The following GRIN2B variants were observed in gnomAD, a reference collection of about 807,000 sequenced individuals.
GRIN2B encodes the protein glutamate ionotropic receptor NMDA type subunit 2B.
In GRIN2B, 5 loss-of-function variants were observed where a neutral mutation model predicts 114.5. The ratio of observed to expected loss-of-function variants is 0.04; its 90% confidence interval spans 0.02 to 0.09. The LOEUF (loss-of-function observed/expected upper bound fraction) is 0.09, where lower values mean the gene tolerates loss of function less well. GRIN2B is among the 10% of genes least tolerant of loss of function. GRIN2B has a pLI of 1.00. For synonymous variants in GRIN2B, 787 were observed against 745.1 expected (o/e 1.06, Z -0.92); for missense variants, 1,108 against 1,943.5 (o/e 0.57, Z 8.08).
chr12:13,605,647 T>A (rs977833775), intron 10 of GRIN2B, among the ~76,000 whole-genome samples: 4 of 151,286 alleles, frequency 2.6e-5, no homozygotes, highest in African/African-American at 7.3e-5. Flanking sequence ...GAACACGGTA[T>A]GGAGGACAGA....
chr12:13,727,583 T>C (rs1030788481), intron 4 of GRIN2B, among the ~76,000 whole-genome samples: 1 of 152,200 alleles, frequency 6.6e-6, no homozygotes, highest in Non-Finnish European at 1.5e-5. Flanking sequence ...CTGCAAATTG[T>C]AAGAAATATA....
At chr12:13,746,115 G>C (rs1863378569) in intron 4 of GRIN2B, among the ~76,000 whole-genome samples, 1 of 152,104 alleles carries the variant, frequency 6.6e-6, no homozygotes, top group Non-Finnish European at 1.5e-5. Context: ...GAGAGTGCTT[G>C]GGAGGGTGGG....
intron 4 of GRIN2B, among the ~76,000 whole-genome samples, chr12:13,727,033 A>G (rs1863002213): frequency 6.6e-6 from 1 of 152,182 alleles, no homozygotes. Context: ...ACAAGATTAA[A>G]TAACTAGTAA....
chr12:13,915,164 C>G (rs77113082), intron 2 of GRIN2B, among the ~76,000 whole-genome samples: 2 of 152,224 alleles, frequency 1.3e-5, no homozygotes, highest in East Asian at 3.9e-4. Context: ...ATCACATATA[C>G]CCCCAAAATA....
Position 13,945,325 on chromosome 12 carries a change from G to A in GRIN2B, c.-19+34603C>T, listed in dbSNP as rs544401589. ...GCAGGGTGGTAAGCATTTTTATGAG[G>A]TGTTACAATGTTTTAACTAACCTAC... On this transcript the variant is annotated intron_variant, in intron 2 of 13. Coordinates refer to ENST00000609686, the MANE Select transcript of GRIN2B (RefSeq NM_000834.5). Among the ~76,000 whole-genome samples the A allele has an allele frequency of 7.2e-5, 11 of 152,200 alleles. No individual in the cohort carries two copies. In the South Asian group the frequency reaches 1.7e-3, roughly 23 times the overall value.
At chr12:13,617,189 G>A (rs887405468) in intron 5 of GRIN2B, among the ~76,000 whole-genome samples, 5 of 152,240 alleles carry the variant, frequency 3.3e-5, no homozygotes, top group African/African-American at 1.2e-4. Flanking sequence ...ATCCAGTGGG[G>A]AGAGCTAGGT....
chr12:13,964,019 T>C (rs2136864958), intron 2 of GRIN2B, among the ~76,000 whole-genome samples: 1 of 152,320 alleles, frequency 6.6e-6, no homozygotes, highest in Middle Eastern at 3.4e-3. Flanking sequence ...TGATGGAGAC[T>C]TAATCTCTGG....
chr12:13,783,438 T>TTTTGTTTTGTTTTGTTTTGTTTTG (rs1555139067), intron 3 of GRIN2B, among the ~76,000 whole-genome samples: 1 of 152,060 alleles, frequency 6.6e-6, no homozygotes. Context: ...ATAGGTTTTG[T>TTTTGTTTTGTTTTGTTTTGTTTTG]TTTGTTTTGT....
intron 10 of GRIN2B, among the ~76,000 whole-genome samples, chr12:13,590,691 T>C (rs139055810): frequency 0.03 from 4,563 of 152,226 alleles, 253 homozygotes; most frequent in African/African-American, 0.11. Context: ...CTATTGTAAA[T>C]AGTGCTGCAA....
At chr12:13,861,066 G>A (rs1443395952) in intron 3 of GRIN2B, among the ~76,000 whole-genome samples, 1 of 152,174 alleles carries the variant, frequency 6.6e-6, no homozygotes, top group East Asian at 1.9e-4. Context: ...AATGTAAGGT[G>A]TATAGGGCAG....
chr12:13,858,342 T>C (rs982881654), intron 3 of GRIN2B, among the ~76,000 whole-genome samples: 3 of 152,206 alleles, frequency 2.0e-5, no homozygotes, highest in East Asian at 1.9e-4. Flanking sequence ...AATAAACCTT[T>C]ATTGTACTCA....
At chr12:13,911,952 G>A (rs1276130448) in intron 2 of GRIN2B, among the ~76,000 whole-genome samples, 1 of 152,168 alleles carries the variant, frequency 6.6e-6, no homozygotes, top group South Asian at 2.1e-4. Context: ...GTGCAGTGCG[G>A]AGAGACAGAG....
chr12:13,773,567 G>T (rs1371637764), intron 3 of GRIN2B, among the ~76,000 whole-genome samples: 1 of 152,170 alleles, frequency 6.6e-6, no homozygotes, highest in South Asian at 2.1e-4. Context: ...AAGACTTTTG[G>T]AGTATGACGA....
chr12:13,576,218 T>C (rs1294979663), intron 10 of GRIN2B, among the ~76,000 whole-genome samples: 1 of 152,200 alleles, frequency 6.6e-6, no homozygotes, highest in Non-Finnish European at 1.5e-5. Flanking sequence ...CATGGAGAAC[T>C]GTTTAGGGAG....
rs1948488133 is a variant in GRIN2B at position 13,557,301 on chromosome 12, T to A, written c.*5482A>T. 6.6e-6 allele frequency: 1 copy of A among 152,196 alleles called. No homozygotes were observed. Among genetic ancestry groups the A allele is most frequent in the African/African-American group, 2.4e-5 (1 of 41,438 alleles). The allele number at this position is 152,196 out of a possible 1,614,324, so 9.4% of individuals were successfully genotyped here. ...ACATCTGCTAGGCCTAAGAAACAAT[T>A]GCCCCCCAGGTTAAGTAGCACCTGA... On this transcript the variant is annotated 3_prime_UTR_variant, in exon 14 of 14. Transcript: ENST00000609686.
At chr12:13,759,621 A>G (rs1591715901) in intron 3 of GRIN2B, among the ~76,000 whole-genome samples, 2 of 152,296 alleles carry the variant, frequency 1.3e-5, no homozygotes, top group South Asian at 2.1e-4. Flanking sequence ...GACAACGCCA[A>G]TGTCCACTTG....
At chr12:13,731,755 C>G (rs953507197) in intron 4 of GRIN2B, among the ~76,000 whole-genome samples, 5 of 152,184 alleles carry the variant, frequency 3.3e-5, no homozygotes, top group African/African-American at 1.2e-4. Flanking sequence ...AAAATTCTGG[C>G]CCTCATCACC....
chr12:13,575,337 G>A (rs1289515903), intron 10 of GRIN2B, among the ~76,000 whole-genome samples: 1 of 152,118 alleles, frequency 6.6e-6, no homozygotes, highest in Non-Finnish European at 1.5e-5. Flanking sequence ...AACATAGCAA[G>A]ACTTATATAG....
At chr12:13,676,106 G>A (rs1025566037) in intron 4 of GRIN2B, among the ~76,000 whole-genome samples, 12 of 152,058 alleles carry the variant, frequency 7.9e-5, no homozygotes, top group African/African-American at 1.9e-4. Flanking sequence ...TTTGGTCACC[G>A]CATGTTCTCA....
Sources: gnomAD v4.1 joint callset for allele counts (sites outside exome capture counted in the v4.1 genomes callset) on GRCh38, gnomAD v4.1.1 for gene constraint, MANE v1.5 for transcripts, NCBI Gene and HGNC (gene_info 2026-07-23, HGNC 2026-07-21) for gene names.